The following NBDY variants were observed in gnomAD, a reference collection of about 807,000 sequenced individuals.
NBDY encodes the protein P-body dissociating protein.
At chrX:56,754,087 A>C (rs2069598680) in intron 2 of NBDY, among the ~76,000 whole-genome samples, 1 of 111,584 alleles carries the variant, frequency 9.0e-6, no homozygotes, top group South Asian at 3.8e-4. Context: ...AGATCAAATA[A>C]AGAGGAATAG....
intron 2 of NBDY, among the ~76,000 whole-genome samples, chrX:56,738,840 C>G (rs995392626): frequency 1.8e-5 from 2 of 111,034 alleles, no homozygotes; most frequent in African/African-American, 6.6e-5. Flanking sequence ...CTGATAGGCA[C>G]TAATGAAGCA....
intron 2 of NBDY, among the ~76,000 whole-genome samples, chrX:56,765,023 T>G (rs2069658627): frequency 1.8e-5 from 2 of 112,830 alleles, no homozygotes; most frequent in South Asian, 7.2e-4. Context: ...GCTCACTGAT[T>G]CTTTGTGTAC....
At chrX:56,802,096 C>T (rs1213176349) in intron 2 of NBDY, among the ~76,000 whole-genome samples, 1 of 111,459 alleles carries the variant, frequency 9.0e-6, no homozygotes, top group Non-Finnish European at 1.9e-5. Flanking sequence ...CCATAGCCAC[C>T]AGACTGCCCA....
At chrX:56,744,438 C>T (rs947490581) in intron 2 of NBDY, among the ~76,000 whole-genome samples, 5 of 111,536 alleles carry the variant, frequency 4.5e-5, no homozygotes, top group African/African-American at 1.3e-4. Flanking sequence ...CATAGCTACT[C>T]CACCTTTCCT....
chrX:56,805,174 T>C (rs1019644980), intron 2 of NBDY, among the ~76,000 whole-genome samples: 1 of 112,257 alleles, frequency 8.9e-6, no homozygotes, highest in Non-Finnish European at 1.9e-5. Flanking sequence ...TGTCAACAAA[T>C]GTGGATCCTT....
chrX:56,730,589 C>T (rs2146709659), intron 1 of NBDY, among the ~76,000 whole-genome samples: 1 of 91,784 alleles, frequency 1.1e-5, no homozygotes, highest in African/African-American at 4.0e-5. Context: ...TGAGTGACAT[C>T]TGCCATGTGG....
At chrX:56,804,788 G>A (rs1164699569) in intron 2 of NBDY, among the ~76,000 whole-genome samples, 1 of 112,198 alleles carries the variant, frequency 8.9e-6, no homozygotes, top group African/African-American at 3.2e-5. Context: ...AGGCAGAAAT[G>A]GGAAAGCCAT....
chrX:56,804,295 G>T (rs1194274596), intron 2 of NBDY, among the ~76,000 whole-genome samples: 2 of 111,799 alleles, frequency 1.8e-5, no homozygotes, highest in Non-Finnish European at 3.8e-5. Flanking sequence ...AAGAAGGTCG[G>T]GCCAGGTGTC....
chrX:56,790,896 G>A (rs956054007), intron 2 of NBDY, among the ~76,000 whole-genome samples: 3 of 112,229 alleles, frequency 2.7e-5, no homozygotes, highest in Admixed American at 9.4e-5. Context: ...CTGGCAGATC[G>A]TGCGGATGGG....
At chrX:56,813,049 G>A (rs1260644314) in intron 2 of NBDY, among the ~76,000 whole-genome samples, 1 of 110,799 alleles carries the variant, frequency 9.0e-6, no homozygotes, top group Non-Finnish European at 1.9e-5. Flanking sequence ...TTGCTGTGAG[G>A]GGAGGGGGAG....
At chrX:56,747,652 C>A (rs1316926406) in intron 2 of NBDY, among the ~76,000 whole-genome samples, 1 of 111,407 alleles carries the variant, frequency 9.0e-6, no homozygotes, top group Non-Finnish European at 1.9e-5. Flanking sequence ...AAAGAGAGTG[C>A]TGTGTTCACA....
chrX:56,738,766 T>A (rs937212303), intron 2 of NBDY, among the ~76,000 whole-genome samples: 1 of 111,699 alleles, frequency 9.0e-6, no homozygotes, highest in African/African-American at 3.3e-5. Context: ...ATTTGTCACC[T>A]TTCTGAAATC....
At chrX:56,805,401 A>G (rs778203826) in intron 2 of NBDY, among the ~76,000 whole-genome samples, 2 of 112,235 alleles carry the variant, frequency 1.8e-5, no homozygotes, top group Non-Finnish European at 3.8e-5. Flanking sequence ...ACATACATGT[A>G]TCCTCACCCA....
intron 2 of NBDY, among the ~76,000 whole-genome samples, chrX:56,759,930 G>A (rs933402383): frequency 8.9e-6 from 1 of 112,102 alleles, no homozygotes; most frequent in African/African-American, 3.2e-5. Context: ...CCCCAGCTTG[G>A]ACCCAGCCAA....
intron 1 of NBDY, among the ~76,000 whole-genome samples, chrX:56,731,658 A>C (rs2069459909): frequency 1.8e-5 from 2 of 112,057 alleles, no homozygotes; most frequent in South Asian, 7.4e-4. Context: ...GTAGCTACAT[A>C]ATTTCCCCTC....
At chrX:56,767,760 G>C (rs1313961594) in intron 2 of NBDY, among the ~76,000 whole-genome samples, 3 of 105,931 alleles carry the variant, frequency 2.8e-5, no homozygotes, top group Non-Finnish European at 5.8e-5. Flanking sequence ...GGATTGGAGG[G>C]GCAGGGTTGT....
chrX:56,735,648 G>C (rs754023426), intron 2 of NBDY, among the ~76,000 whole-genome samples: 3 of 112,001 alleles, frequency 2.7e-5, no homozygotes, highest in African/African-American at 9.7e-5. Flanking sequence ...CCTTGTAATT[G>C]TGCACAGTAG....
Position 56,732,141 on chromosome X carries a change from A to C in NBDY, c.*108A>C, listed in dbSNP as rs2069462405. ...TCACCTGGTGAAAACAATGAAGATT[A>C]TTTACAATGCTACCCTGCTTTTTCT... On this transcript the variant is annotated 3_prime_UTR_variant, in exon 2 of 3. Transcript: ENST00000374922. 6.7e-6 allele frequency: 2 copies of C among 296,974 alleles called. No homozygotes were observed. The highest frequency in any genetic ancestry group is 1.2e-5 in the Non-Finnish European group (2 of 170,076). The allele number at this position is 296,974 out of a possible 1,213,427, so 24.5% of individuals were successfully genotyped here.
chrX:56,784,217 A>G (rs755046859), intron 2 of NBDY, among the ~76,000 whole-genome samples: 3 of 112,271 alleles, frequency 2.7e-5, no homozygotes, highest in Non-Finnish European at 5.6e-5. Context: ...GTCCCTAGGT[A>G]GCACTCTTCC....
Sources: gnomAD v4.1 joint callset for allele counts (sites outside exome capture counted in the v4.1 genomes callset) on GRCh38, gnomAD v4.1.1 for gene constraint, MANE v1.5 for transcripts, NCBI Gene and HGNC (gene_info 2026-07-23, HGNC 2026-07-21) for gene names.